Variants in EXOC6B observed in about 807,000 individuals in gnomAD.
The protein encoded by EXOC6B is SEC15 homolog B.
A neutral mutation model predicts 113.5 loss-of-function variants in EXOC6B; 54 were observed. The observed-to-expected ratio is 0.48, with a 90% confidence interval of 0.38 to 0.60. The LOEUF (loss-of-function observed/expected upper bound fraction) is 0.60, where lower values mean the gene tolerates loss of function less well. Among genes scored for constraint, EXOC6B ranks in the 20% least tolerant of loss-of-function variants. EXOC6B has a pLI of 0.00. For missense variants in EXOC6B, 797 were observed against 977.5 expected (o/e 0.82, Z 2.46); for synonymous variants, 357 against 339.0 (o/e 1.05, Z -0.58).
rs1287216588 is a variant in EXOC6B at position 72,408,913 on chromosome 2, A to G, written c.1981-29043T>C. ...CTTCTGCACAGCAAAAGGAACTAACATCAGAGTGAACAGGCAACCTACAAA... is the reference window on the plus strand; with the variant it reads ...CTTCTGCACAGCAAAAGGAACTAACGTCAGAGTGAACAGGCAACCTACAAA... On this transcript the variant is annotated intron_variant, in intron 18 of 21. Coordinates refer to ENST00000272427, the MANE Select transcript of EXOC6B (RefSeq NM_015189.3). 2.0e-5 allele frequency among the ~76,000 whole-genome samples: 3 copies of G among 152,230 alleles called. No homozygotes were observed. In the East Asian group the frequency reaches 5.8e-4, roughly 29 times the overall value.
At chr2:72,196,292 A>G (rs959941539) in intron 20 of EXOC6B, among the ~76,000 whole-genome samples, 1 of 152,178 alleles carries the variant, frequency 6.6e-6, no homozygotes, top group East Asian at 1.9e-4. Flanking sequence ...CAGGCATCCT[A>G]TGATAGGCAG....
intron 20 of EXOC6B, among the ~76,000 whole-genome samples, chr2:72,241,667 T>A (rs1682318567): frequency 6.6e-6 from 1 of 152,012 alleles, no homozygotes; most frequent in Admixed American, 6.6e-5. Context: ...AAGAATTACA[T>A]CTGACTTTTC....
intron 1 of EXOC6B, among the ~76,000 whole-genome samples, chr2:72,753,360 G>A (rs911426666): frequency 2.0e-5 from 3 of 151,786 alleles, no homozygotes; most frequent in Non-Finnish European, 4.4e-5. Context: ...CTAGAAATAT[G>A]TACATTAACC....
intron 4 of EXOC6B, 24 bp from the exon 5 acceptor site, chr2:72,731,076 C>T: frequency 1.3e-6 from 2 of 1,559,640 alleles, no homozygotes; most frequent in Non-Finnish European, 1.7e-6. Context: ...AAAGAATACA[C>T]AAACATGATT....
chr2:72,678,370 G>C (rs1676460509), intron 6 of EXOC6B, among the ~76,000 whole-genome samples: 1 of 152,144 alleles, frequency 6.6e-6, no homozygotes, highest in South Asian at 2.1e-4. Context: ...GTGAAACAGT[G>C]CGGCTAGAGG....
intron 6 of EXOC6B, among the ~76,000 whole-genome samples, chr2:72,680,945 TG>T (rs1411438657): frequency 1.3e-5 from 2 of 152,200 alleles, no homozygotes; most frequent in Non-Finnish European, 2.9e-5. Flanking sequence ...CTCTTCAGTG[TG>T]GACTCCCAGC....
At chr2:72,743,002 A>T (rs1681425746) in intron 1 of EXOC6B, among the ~76,000 whole-genome samples, 1 of 152,092 alleles carries the variant, frequency 6.6e-6, no homozygotes, top group Non-Finnish European at 1.5e-5. Flanking sequence ...AAATTTCCCA[A>T]CCGCCTACCC....
At chr2:72,461,799 T>C (rs1164736167) in intron 18 of EXOC6B, 1 of 152,080 alleles carries the variant, frequency 6.6e-6, no homozygotes, top group Admixed American at 6.6e-5. Context: ...ACTAGACCCC[T>C]AGCAGCAGGT....
intron 16 of EXOC6B, among the ~76,000 whole-genome samples, chr2:72,486,992 T>C (rs1699459650): frequency 1.3e-5 from 2 of 152,216 alleles, no homozygotes; most frequent in South Asian, 4.1e-4. Context: ...AATTCCTCTT[T>C]TCCCATTCTT....
intron 8 of EXOC6B, among the ~76,000 whole-genome samples, chr2:72,557,813 T>A (rs183500132): frequency 0.015 from 2,353 of 152,124 alleles, 29 homozygotes; most frequent in Non-Finnish European, 0.022. Context: ...AAATTTTTTT[T>A]AAAAAAAGAA....
chr2:72,386,423 G>A (rs1475001321), intron 18 of EXOC6B, among the ~76,000 whole-genome samples: 3 of 152,168 alleles, frequency 2.0e-5, no homozygotes, highest in African/African-American at 7.2e-5. Context: ...AGGGGAAAAG[G>A]TCTCCGAGGC....
At chr2:72,413,266 G>A (rs1401704737) in intron 18 of EXOC6B, among the ~76,000 whole-genome samples, 2 of 151,532 alleles carry the variant, frequency 1.3e-5, no homozygotes, top group Non-Finnish European at 2.9e-5. Context: ...CAGCCCAGAA[G>A]TCCTTAAACT....
intron 20 of EXOC6B, among the ~76,000 whole-genome samples, chr2:72,260,689 A>G (rs1683661142): frequency 6.6e-6 from 1 of 152,164 alleles, no homozygotes; most frequent in East Asian, 1.9e-4. Context: ...GATTTTGGCA[A>G]TTTCCTTGTA....
At chr2:72,407,368 G>C (rs1388561658) in intron 18 of EXOC6B, among the ~76,000 whole-genome samples, 1 of 152,188 alleles carries the variant, frequency 6.6e-6, no homozygotes, top group East Asian at 1.9e-4. Flanking sequence ...CATTTGATGA[G>C]GCCAGCATCA....
intron 20 of EXOC6B, among the ~76,000 whole-genome samples, chr2:72,274,998 A>G (rs988472180): frequency 6.6e-6 from 1 of 152,130 alleles, no homozygotes; most frequent in Non-Finnish European, 1.5e-5. Context: ...CAGTGTGACA[A>G]AGGGATGAGA....
At chr2:72,274,644 G>A (rs13409641) in intron 20 of EXOC6B, among the ~76,000 whole-genome samples, 18,085 of 152,092 alleles carry the variant, frequency 0.12, 1,336 homozygotes, top group Admixed American at 0.16. Context: ...AAACTTCAGC[G>A]TCACTTATAC....
intron 6 of EXOC6B, among the ~76,000 whole-genome samples, chr2:72,603,495 G>C (rs1670557963): frequency 6.6e-6 from 1 of 152,076 alleles, no homozygotes; most frequent in African/African-American, 2.4e-5. Flanking sequence ...CTGCACATCA[G>C]CTTGTGATTC....
chr2:72,206,400 C>A (rs1205260988), intron 20 of EXOC6B, among the ~76,000 whole-genome samples: 1 of 152,106 alleles, frequency 6.6e-6, no homozygotes, highest in African/African-American at 2.4e-5. Flanking sequence ...TCTTAAGTAC[C>A]CATCTCCTTT....
intron 6 of EXOC6B, among the ~76,000 whole-genome samples, chr2:72,597,915 T>G (rs1331461556): frequency 6.6e-6 from 1 of 151,928 alleles, no homozygotes; most frequent in Non-Finnish European, 1.5e-5. Context: ...GGTATGCACC[T>G]AACAACAGAG....
Sources: allele counts gnomAD v4.1 joint callset (sites outside exome capture counted in the v4.1 genomes callset), GRCh38; gene constraint gnomAD v4.1.1; transcripts MANE v1.5; gene names NCBI Gene and HGNC (gene_info 2026-07-23, HGNC 2026-07-21).